CHCHD4: variants seen among roughly 807,000 people sequenced by gnomAD.
CHCHD4 encodes coiled-coil-helix-coiled-coil-helix domain containing 4.
Under a neutral mutation model 12.4 loss-of-function variants are expected in CHCHD4, and 7 were observed. That is an observed-to-expected ratio of 0.57 (90% confidence interval 0.32 to 1.06). The LOEUF is 1.06. Among genes scored for constraint, CHCHD4 ranks in the 50% least tolerant of loss-of-function variants. CHCHD4 has a pLI of 0.04. For synonymous variants in CHCHD4, 56 were observed against 58.0 expected (o/e 0.97, Z 0.16); for missense variants, 143 against 175.1 (o/e 0.82, Z 1.03).
intron 1 of CHCHD4, chr3:14,122,206 AC>A: frequency 7.3e-7 from 1 of 1,378,386 alleles, no homozygotes; most frequent in Non-Finnish European, 9.6e-7. Flanking sequence ...GCCTTCTCAG[AC>A]CCCATAGAGC....
At chr3:14,122,120 C>G in intron 1 of CHCHD4, 1 of 1,538,658 alleles carries the variant, frequency 6.5e-7, no homozygotes. Context: ...AAGTAGTGTT[C>G]GCTCACACGT....
In CHCHD4 at chr3:14,124,765, G is replaced by T; in HGVS notation, c.-89C>A. 2 of 1,409,528 alleles carry T rather than the reference G, an allele frequency of 1.4e-6. No homozygotes were observed. Among genetic ancestry groups the T allele is most frequent in the Non-Finnish European group, 9.4e-7 (1 of 1,059,978 alleles). The allele number at this position is 1,409,528 out of a possible 1,614,324, so 87.3% of individuals were successfully genotyped here. ...TGACCTCCCTCTCCTCTGGCAGGGC[G>T]GGCTCCTCCGAAGCCCGCGCGGACC... is the stretch of plus-strand genomic sequence containing the variant. On this transcript the variant is annotated 5_prime_UTR_variant, in exon 1 of 3. Coordinates refer to ENST00000396914, the MANE Select transcript of CHCHD4 (RefSeq NM_001098502.2).
chr3:14,124,547 G>T (rs945908360), intron 1 of CHCHD4, 108 bp downstream of exon 1: 5 of 1,025,994 alleles, frequency 4.9e-6, no homozygotes, highest in Non-Finnish European at 6.6e-6. Flanking sequence ...TGGGCACCTG[G>T]GCCGCGCCTC....
chr3:14,113,933 A>G (rs1339356154), intron 2 of CHCHD4, among the ~76,000 whole-genome samples: 1 of 152,192 alleles, frequency 6.6e-6, no homozygotes, highest in Non-Finnish European at 1.5e-5. Context: ...CTTTATTCAC[A>G]TCTAAATAGT....
At chr3:14,121,835 A>G in intron 1 of CHCHD4, 1 of 1,608,698 alleles carries the variant, frequency 6.2e-7, no homozygotes, top group Non-Finnish European at 8.5e-7. Context: ...ATACAGAATC[A>G]AGTGTCTGTG....
intron 1 of CHCHD4, among the ~76,000 whole-genome samples, chr3:14,118,452 A>G (rs145270511): frequency 5.3e-5 from 8 of 152,372 alleles, no homozygotes; most frequent in Admixed American, 5.2e-4. Flanking sequence ...GGGCAGTGAC[A>G]ACAAAAACCG....
chr3:14,124,508 C>T (rs542109853), intron 1 of CHCHD4, 147 bp downstream of exon 1: 6 of 583,206 alleles, frequency 1.0e-5, no homozygotes, highest in African/African-American at 2.0e-5. Flanking sequence ...AGCGACCCCC[C>T]AGCCGGCCCG....
intron 2 of CHCHD4, 140 bp downstream of exon 2, chr3:14,116,286 G>A: frequency 2.9e-6 from 2 of 695,274 alleles, no homozygotes; most frequent in Non-Finnish European, 2.6e-6. Flanking sequence ...ATAAACCACT[G>A]CCCTCAGAGA....
chr3:14,123,393 C>A (rs971130773), intron 1 of CHCHD4, among the ~76,000 whole-genome samples: 1 of 152,210 alleles, frequency 6.6e-6, no homozygotes, highest in Non-Finnish European at 1.5e-5. Context: ...TTATGGCACA[C>A]ATTAAGTAGT....
intron 1 of CHCHD4, among the ~76,000 whole-genome samples, chr3:14,117,225 T>C (rs2607748): frequency 0.41 from 62,808 of 152,036 alleles, 12,999 homozygotes; most frequent in South Asian, 0.47. Context: ...AGCACCTTGT[T>C]CACAACCAGA....
intron 2 of CHCHD4, 123 bp downstream of exon 2, chr3:14,116,303 A>G (rs868323706): frequency 1.7e-5 from 13 of 758,264 alleles, no homozygotes; most frequent in Middle Eastern, 2.9e-4. Flanking sequence ...GAGATGGTCT[A>G]TGGCTGAGAA....
chr3:14,118,950 A>G (rs1411548992), intron 1 of CHCHD4, among the ~76,000 whole-genome samples: 1 of 152,246 alleles, frequency 6.6e-6, no homozygotes, highest in African/African-American at 2.4e-5. Flanking sequence ...GTGGTAAAGT[A>G]TGAGGCCCTC....
chr3:14,122,123 T>C, intron 1 of CHCHD4: 1 of 1,535,464 alleles, frequency 6.5e-7, no homozygotes. Flanking sequence ...TAGTGTTCGC[T>C]CACACGTGTT....
At chr3:14,113,894 TG>T (rs1694848397) in intron 2 of CHCHD4, among the ~76,000 whole-genome samples, 13 of 152,258 alleles carry the variant, frequency 8.5e-5, no homozygotes, top group African/African-American at 2.7e-4. Context: ...TTCTTACTTT[TG>T]ACTTTTATAC....
At chr3:14,121,841 C>A in intron 1 of CHCHD4, 2 of 1,611,002 alleles carry the variant, frequency 1.2e-6, no homozygotes, top group South Asian at 2.2e-5. Context: ...AATCAAGTGT[C>A]TGTGAAGAAT....
At position 14,124,789 on chromosome 3, in the gene CHCHD4, C is replaced by T. The variant is rs1694990309; in HGVS notation, c.-113G>A. 8.0e-7 allele frequency: 1 copy of T among 1,246,362 alleles called. No homozygotes were observed. The highest frequency in any genetic ancestry group is 1.1e-6 in the Non-Finnish European group (1 of 924,932). The allele number at this position is 1,246,362 out of a possible 1,614,324, so 77.2% of individuals were successfully genotyped here. ...CGGGCTCCTCCGAAGCCCGCGCGGA[C>T]CCGCCCCCTCCCAGGCCTGCCCGCC... On this transcript the variant is annotated 5_prime_UTR_variant, in exon 1 of 3. Coordinates refer to ENST00000396914, the MANE Select transcript of CHCHD4 (RefSeq NM_001098502.2).
chr3:14,115,846 G>A (rs1210984215), intron 2 of CHCHD4, among the ~76,000 whole-genome samples: 1 of 152,078 alleles, frequency 6.6e-6, no homozygotes, highest in Non-Finnish European at 1.5e-5. Context: ...ACGGTCTGCA[G>A]TAGTAAGTAT....
At chr3:14,124,032 G>C (rs1009970835) in intron 1 of CHCHD4, among the ~76,000 whole-genome samples, 2 of 152,232 alleles carry the variant, frequency 1.3e-5, no homozygotes, top group Non-Finnish European at 2.9e-5. Flanking sequence ...AGTGGCTTTA[G>C]CCATGTCTCC....
At chr3:14,116,778 A>T (rs1247880114) in intron 1 of CHCHD4, among the ~76,000 whole-genome samples, 1 of 152,228 alleles carries the variant, frequency 6.6e-6, no homozygotes, top group African/African-American at 2.4e-5. Context: ...AATGCATAAA[A>T]GTTGAAGGAA....
Sources: gnomAD v4.1 joint callset for allele counts (sites outside exome capture counted in the v4.1 genomes callset) on GRCh38, gnomAD v4.1.1 for gene constraint, MANE v1.5 for transcripts, NCBI Gene and HGNC (gene_info 2026-07-23, HGNC 2026-07-21) for gene names.